The following SIRT3 variants were observed in gnomAD, a reference collection of about 807,000 sequenced individuals.
SIRT3 encodes sirtuin 3, also known as NAD-dependent protein deacetylase sirtuin-3, mitochondrial.
SIRT3 carries 26 observed loss-of-function variants against 33.5 expected under a neutral mutation model. The ratio of observed to expected loss-of-function variants is 0.78; its 90% CI spans 0.57 to 1.08. The LOEUF (loss-of-function observed/expected upper bound fraction) is 1.08. Ranked by LOEUF, SIRT3 falls within the 50% of genes least tolerant of loss-of-function variation. The pLI, the probability that SIRT3 is intolerant of heterozygous loss-of-function variation, is 0.00. For missense variants in SIRT3, 585 were observed against 530.1 expected, an observed-to-expected ratio of 1.10 and a Z score of -1.02; for synonymous variants, 237 against 222.1, an observed-to-expected ratio of 1.07 and a Z score of -0.60.
intron 3 of SIRT3, among the ~76,000 whole-genome samples, chr11:231,316 G>T (rs1309653706): frequency 6.6e-6 from 1 of 152,076 alleles, no homozygotes; most frequent in Non-Finnish European, 1.5e-5. Context: ...CATGCCCGTA[G>T]TCCCAGCTAT....
chr11:220,692 T>A (rs554694532), intron 5 of SIRT3, among the ~76,000 whole-genome samples: 1 of 152,264 alleles, frequency 6.6e-6, no homozygotes, highest in Non-Finnish European at 1.5e-5. Flanking sequence ...GGAAGGCAAG[T>A]TCTCAATATT....
At chr11:224,272 T>C (rs760832314) in intron 4 of SIRT3, 33 bp from the exon 5 acceptor site, 1 of 1,607,530 alleles carries the variant, frequency 6.2e-7, no homozygotes, top group South Asian at 1.1e-5. Context: ...CTGAGGAAGA[T>C]GCCTGCAACA....
chr11:233,660 G>T, intron 1 of SIRT3, 126 bp from the exon 2 acceptor site: 1 of 826,408 alleles, frequency 1.2e-6, no homozygotes, highest in Non-Finnish European at 1.9e-6. Flanking sequence ...GTCTCCCCAG[G>T]CCTCTCAAAA....
intron 4 of SIRT3, among the ~76,000 whole-genome samples, chr11:229,359 C>T (rs1857589940): frequency 1.3e-5 from 2 of 152,034 alleles, no homozygotes; most frequent in Admixed American, 6.6e-5. Context: ...GCAGGAGAAT[C>T]GCTTGAACCC....
Position 236,102 on chromosome 11 carries a change from G to C in SIRT3, c.227C>G (p.Pro76Arg). Reference protein sequence around the residue: ...PLQRPPRPEVPRAFRRQPRAA... With the variant: ...PLQRPPRPEVRRAFRRQPRAA... Reference sequence around the variant, plus strand: ...CCTCGGCTGCCTCCGGAATGCCCTGGGCACCTCGGGTCTGGGAGGCCTCTG... The same window carrying C: ...CCTCGGCTGCCTCCGGAATGCCCTGCGCACCTCGGGTCTGGGAGGCCTCTG... Residue 76 changes from proline to arginine, a missense_variant, in exon 1 of 7, where the codon CCC (proline) becomes CGC (arginine). Transcript: ENST00000382743. 2 of 1,579,186 alleles carry C rather than the reference G, an allele frequency of 1.3e-6. No homozygotes were observed. The highest frequency in any genetic ancestry group is 1.7e-6 in the Non-Finnish European group (2 of 1,163,620).
intron 5 of SIRT3, among the ~76,000 whole-genome samples, chr11:221,530 A>AAT (rs756127377): frequency 1.8e-4 from 27 of 152,250 alleles, no homozygotes; most frequent in Non-Finnish European, 3.4e-4. Context: ...CTTGTGGCTG[A>AAT]ATATGTTTCA....
chr11:226,211 G>C (rs1857152593), intron 4 of SIRT3: 1 of 152,152 alleles, frequency 6.6e-6, no homozygotes. Context: ...TAGCAGTGTA[G>C]AGTCTTTGAA....
At chr11:227,034 G>C (rs1330762192) in intron 4 of SIRT3, among the ~76,000 whole-genome samples, 1 of 151,800 alleles carries the variant, frequency 6.6e-6, no homozygotes, top group Non-Finnish European at 1.5e-5. Context: ...TTACGGGCGT[G>C]AGCCACCATG....
chr11:236,107 C>A lies in SIRT3; in HGVS notation c.222G>T (p.Glu74Asp). Residue 74 changes from glutamate to aspartate, a missense_variant, in exon 1 of 7, where the codon GAG (glutamate) becomes GAT (aspartate). By Grantham distance (45) the Glu-to-Asp change is conservative. Coordinates refer to ENST00000382743, the MANE Select transcript of SIRT3 (RefSeq NM_012239.6). Reference protein sequence around the residue: ...ARPLQRPPRPEVPRAFRRQPR... With the variant: ...ARPLQRPPRPDVPRAFRRQPR... The stretch of plus-strand genomic sequence containing the variant: ...GCTGCCTCCGGAATGCCCTGGGCAC[C>A]TCGGGTCTGGGAGGCCTCTGCAAGG... 6.3e-7 allele frequency: 1 copy of A among 1,580,062 alleles called. No individual in the cohort carries two copies. Among genetic ancestry groups the A allele is most frequent in the Non-Finnish European group, 8.6e-7 (1 of 1,164,012 alleles).
chr11:230,462 T>A lies in SIRT3; in HGVS notation c.797A>T (p.Glu266Val). Residue 266 changes from glutamate to valine, a missense_variant, in exon 4 of 7, where the codon GAG (glutamate) becomes GTG (valine). Coordinates refer to ENST00000382743, the MANE Select transcript of SIRT3 (RefSeq NM_012239.6). The stretch of plus-strand genomic sequence containing the variant: ...AGCAGGATAACTCACCCGAATGTCC[T>A]CCCCTGGGAAGGGTCTTTGGCAGAC... ...CTVCQRPFPG[E>V]DIRADVMADR... 6.8e-7 allele frequency: 1 copy of A among 1,465,794 alleles called. No homozygotes were observed. The highest frequency in any genetic ancestry group is 9.1e-7 in the Non-Finnish European group (1 of 1,102,312). The allele number at this position is 1,465,794 out of a possible 1,614,324, so 90.8% of individuals were successfully genotyped here.
At chr11:219,251 T>C (rs1421871284) in intron 5 of SIRT3, among the ~76,000 whole-genome samples, 1 of 152,182 alleles carries the variant, frequency 6.6e-6, no homozygotes. Flanking sequence ...CCTCTCTCTC[T>C]CTCTCCCACT....
intron 4 of SIRT3, among the ~76,000 whole-genome samples, chr11:228,541 G>A (rs1348323435): frequency 6.6e-6 from 1 of 152,124 alleles, no homozygotes; most frequent in African/African-American, 2.4e-5. Flanking sequence ...AAATGGTGCT[G>A]GAACAATTAC....
upstream of SIRT3, chr11:236,359 T>TCGGCCCGCCCCCGG: frequency 2.6e-6 from 3 of 1,166,208 alleles, no homozygotes; most frequent in South Asian, 7.2e-5. Context: ...TCCTCCGGAC[T>TCGGCCCGCCCCCGG]CGCCCCGCCC....
intron 6 of SIRT3, among the ~76,000 whole-genome samples, chr11:218,016 G>T (rs1015215839): frequency 6.6e-6 from 1 of 152,132 alleles, no homozygotes. Flanking sequence ...TTGTAAGACA[G>T]TACTTTGCTC....
Position 223,372 on chromosome 11 carries a change from A to G in SIRT3, c.969+706T>C, listed in dbSNP as rs568436304. The stretch of plus-strand genomic sequence containing the variant: ...CAGACGCCTCCTTCTCACGTCCCCA[A>G]AACATCACAGACTGCGAGTCCAGTC... On this transcript the variant is annotated intron_variant, in intron 5 of 6. Transcript: ENST00000382743. The surrounding 1 kb of genome is among the most constrained non-coding windows in gnomAD (Gnocchi z 4.8). 3.9e-4 allele frequency: 87 copies of G among 221,770 alleles called. No homozygotes were observed. The highest frequency in any genetic ancestry group is 1.9e-3 in the African/African-American group (84 of 44,448). The allele number at this position is 221,770 out of a possible 1,614,324, so 13.7% of individuals were successfully genotyped here.
At chr11:232,393 A>G (rs1858173995) in intron 3 of SIRT3, among the ~76,000 whole-genome samples, 1 of 152,138 alleles carries the variant, frequency 6.6e-6, no homozygotes, top group South Asian at 2.1e-4. Context: ...TGCTGGGATT[A>G]CAGGTGTGAT....
chr11:231,705 A>C (rs1858041566), intron 3 of SIRT3, among the ~76,000 whole-genome samples: 1 of 152,102 alleles, frequency 6.6e-6, no homozygotes, highest in South Asian at 2.1e-4. Flanking sequence ...ACCTTCCCAC[A>C]AGGCCTGCCC....
At chr11:225,171 C>T (rs7943246) in intron 4 of SIRT3, among the ~76,000 whole-genome samples, 120,273 of 151,902 alleles carry the variant, frequency 0.79, 48,093 homozygotes, top group African/African-American at 0.91. Context: ...CCCAGGACTT[C>T]GGGAGGCCGA....
At chr11:224,393 A>G (rs1023430) in intron 4 of SIRT3, among the ~76,000 whole-genome samples, 154 bp from the exon 5 acceptor site, 30,911 of 152,232 alleles carry the variant, frequency 0.2, 3,353 homozygotes, top group South Asian at 0.45. Flanking sequence ...AGGAATTACC[A>G]GTTTTCATAG....
Sources: allele counts gnomAD v4.1 joint callset (sites outside exome capture counted in the v4.1 genomes callset), GRCh38; gene constraint gnomAD v4.1.1; non-coding constraint Gnocchi (gnomAD v3.1); transcripts MANE v1.5; gene names NCBI Gene and HGNC (gene_info 2026-07-23, HGNC 2026-07-21).